The following CTNNA3 variants were observed in gnomAD, a reference collection of about 807,000 sequenced individuals.
The protein encoded by CTNNA3 is catenin alpha-3.
A neutral mutation model predicts 95.7 loss-of-function variants in CTNNA3; 76 were observed. The observed-to-expected ratio is 0.79, with a 90% confidence interval of 0.66 to 0.96. The LOEUF (loss-of-function observed/expected upper bound fraction) is 0.96. Ranked by LOEUF, CTNNA3 falls within the 40% of genes least tolerant of loss-of-function variation. CTNNA3 has a pLI of 0.00. For synonymous variants in CTNNA3, 431 were observed against 374.4 expected (o/e 1.15, Z -1.74); for missense variants, 1,191 against 1,089.8 (o/e 1.09, Z -1.31).
At chr10:66,005,259 C>T (rs1440375335) in intron 15 of CTNNA3, among the ~76,000 whole-genome samples, 2 of 152,130 alleles carry the variant, frequency 1.3e-5, no homozygotes, top group African/African-American at 4.8e-5. Flanking sequence ...AGGTGGACAT[C>T]GTGGAGAGCC....
intron 5 of CTNNA3, among the ~76,000 whole-genome samples, chr10:67,328,658 T>A (rs1428160885): frequency 6.6e-6 from 1 of 152,188 alleles, no homozygotes; most frequent in Non-Finnish European, 1.5e-5. Flanking sequence ...GGGTATACTG[T>A]AGCCCCATGT....
intron 11 of CTNNA3, among the ~76,000 whole-genome samples, chr10:66,446,376 G>T (rs955414211): frequency 7.3e-6 from 1 of 137,622 alleles, no homozygotes; most frequent in African/African-American, 2.7e-5. Flanking sequence ...AACCAAAAAA[G>T]GTAATTTTAG....
At chr10:66,637,913 C>T (rs1280049532) in intron 9 of CTNNA3, among the ~76,000 whole-genome samples, 1 of 152,182 alleles carries the variant, frequency 6.6e-6, no homozygotes, top group African/African-American at 2.4e-5. Context: ...TTAATTAACA[C>T]TAATGGGCAG....
intron 6 of CTNNA3, among the ~76,000 whole-genome samples, chr10:67,211,749 C>A (rs1433628937): frequency 6.6e-6 from 1 of 152,074 alleles, no homozygotes; most frequent in Admixed American, 6.5e-5. Context: ...GTCACAAGAG[C>A]ATTATTTGGA....
intron 8 of CTNNA3, among the ~76,000 whole-genome samples, chr10:66,767,456 C>CAAA (rs5785782): frequency 0.71 from 99,943 of 140,388 alleles, 35,755 homozygotes; most frequent in East Asian, 0.93. Flanking sequence ...CTCCCCCCGA[C>CAAA]AAAAAAAAAA....
In CTNNA3 at chr10:67,289,749, A is replaced by AGGAAGGAT. The variant is rs1554818570; in HGVS notation, c.580-69880_580-69879insATCCTTCC. ...CAGGTAACATGGATCCAACAAAGGAAGGATGGATGAATGGATGGATGGATG... is the reference window on the plus strand; with the variant it reads ...CAGGTAACATGGATCCAACAAAGGAAGGAAGGATGGATGGATGAATGGATGGATGGATG... On this transcript the variant is annotated intron_variant, in intron 5 of 17. Transcript: ENST00000433211. Among the ~76,000 whole-genome samples the AGGAAGGAT allele has an allele frequency of 1.5e-4, 20 of 135,694 alleles. No homozygotes were observed. The East Asian group carries it at 3.7e-3, about 25-fold the overall frequency. The allele number at this position is 135,694 out of a possible 152,430, so 89.0% of individuals were successfully genotyped here. A position where few individuals can be genotyped will look rare whatever the true frequency, so the allele number is the denominator to read the frequency against.
intron 5 of CTNNA3, among the ~76,000 whole-genome samples, chr10:67,372,820 T>C (rs1843530964): frequency 6.6e-6 from 1 of 152,124 alleles, no homozygotes; most frequent in South Asian, 2.1e-4. Context: ...GGGGCCAATA[T>C]TCAACATTCT....
intron 13 of CTNNA3, among the ~76,000 whole-genome samples, chr10:66,278,719 T>C (rs1009772767): frequency 1.3e-5 from 2 of 152,102 alleles, no homozygotes; most frequent in Admixed American, 6.6e-5. Flanking sequence ...ATGCATTCCG[T>C]ACCCTGGTTC....
At chr10:67,579,000 T>TATATATAA in intron 3 of CTNNA3, among the ~76,000 whole-genome samples, 1 of 60,436 alleles carries the variant, frequency 1.7e-5, no homozygotes, top group African/African-American at 1.9e-4. Context: ...CATAGTGATA[T>TATATATAA]ATATATATAT....
At chr10:66,576,454 G>A (rs1215433756) in intron 10 of CTNNA3, among the ~76,000 whole-genome samples, 3 of 151,934 alleles carry the variant, frequency 2.0e-5, no homozygotes, top group Non-Finnish European at 4.4e-5. Context: ...GTACATAACA[G>A]GTAGCCTTCC....
chr10:66,580,766 T>A (rs1349663576), intron 10 of CTNNA3, among the ~76,000 whole-genome samples: 1 of 151,788 alleles, frequency 6.6e-6, no homozygotes, highest in Admixed American at 6.6e-5. Flanking sequence ...TACTGCCTGG[T>A]GAGGGTAATC....
chr10:67,181,261 T>C (rs1156278800), intron 6 of CTNNA3, among the ~76,000 whole-genome samples: 1 of 152,216 alleles, frequency 6.6e-6, no homozygotes, highest in East Asian at 1.9e-4. Flanking sequence ...CTTCCAGCTA[T>C]TTCCAGCTAT....
chr10:66,607,437 C>T (rs1358508358), intron 10 of CTNNA3, among the ~76,000 whole-genome samples: 1 of 132,888 alleles, frequency 7.5e-6, no homozygotes, highest in Non-Finnish European at 1.6e-5. Flanking sequence ...TATGAGGCTA[C>T]CATCATCCTG....
At chr10:66,676,319 G>C (rs1317784912) in intron 9 of CTNNA3, among the ~76,000 whole-genome samples, 3 of 152,064 alleles carry the variant, frequency 2.0e-5, no homozygotes, top group African/African-American at 4.8e-5. Context: ...CGTCTGTGAG[G>C]TCAAATGCTA....
intron 5 of CTNNA3, among the ~76,000 whole-genome samples, chr10:67,503,325 G>A (rs750406111): frequency 1.3e-5 from 2 of 152,174 alleles, no homozygotes; most frequent in African/African-American, 2.4e-5. Context: ...CCAATGAGAT[G>A]AGCCAGGTAC....
rs984714888 is a variant in CTNNA3 at position 67,555,662 on chromosome 10, G to A, written c.293-15993C>T. Among the ~76,000 whole-genome samples, 69 of 152,270 alleles carry A rather than the reference G, an allele frequency of 4.5e-4. No homozygotes were observed. The Middle Eastern group carries it at 0.014, about 30-fold the overall frequency. On this transcript the variant is annotated intron_variant, in intron 3 of 17. Transcript: ENST00000433211. ...GCTTAAGGAGATTTTGGGCTGAGAC[G>A]ATGGGGTTTTCTAGATATACTATCA...
At chr10:67,690,747 A>G (rs1840829473) in intron 1 of CTNNA3, among the ~76,000 whole-genome samples, 1 of 152,240 alleles carries the variant, frequency 6.6e-6, no homozygotes, top group South Asian at 2.1e-4. Context: ...ATGTTTATAC[A>G]GTGTAACTTA....
At chr10:67,214,799 A>G (rs1864279396) in intron 6 of CTNNA3, among the ~76,000 whole-genome samples, 1 of 152,004 alleles carries the variant, frequency 6.6e-6, no homozygotes, top group African/African-American at 2.4e-5. Flanking sequence ...CTCGGCTATC[A>G]TTCACAGATA....
rs1274348382 is a variant in CTNNA3, at chr10:67,219,483, G to A, written c.843+124C>T. 3.8e-6 allele frequency: 4 copies of A among 1,061,974 alleles called. No individual in the cohort carries two copies. In the African/African-American group the frequency reaches 4.9e-5, roughly 13 times the overall value. The allele number at this position is 1,061,974 out of a possible 1,614,324, so 65.8% of individuals were successfully genotyped here. ...CTTTGGAAGACTCAAGAAGGTGATA[G>A]AGACTAATCTGGATTTTTTATTTTC... On this transcript the variant is annotated intron_variant, in intron 6 of 17. Transcript: ENST00000433211.
Sources: allele counts gnomAD v4.1 joint callset (sites outside exome capture counted in the v4.1 genomes callset), GRCh38; gene constraint gnomAD v4.1.1; transcripts MANE v1.5; gene names NCBI Gene and HGNC (gene_info 2026-07-23, HGNC 2026-07-21).